The following CAPN8 variants were observed in gnomAD, a reference collection of about 807,000 sequenced individuals.
CAPN8 encodes calpain-8.
A neutral mutation model predicts 80.9 loss-of-function variants in CAPN8; 87 were observed. The ratio of observed to expected loss-of-function variants is 1.07; its 90% CI spans 0.90 to 1.28. CAPN8 has a LOEUF of 1.28. Among genes scored for constraint, CAPN8 ranks in the 50% most tolerant of loss-of-function variants. The pLI is 0.00. For missense variants in CAPN8, 757 were observed against 702.0 expected, an observed-to-expected ratio of 1.08 and a Z score of -0.89; for synonymous variants, 299 against 273.8, an observed-to-expected ratio of 1.09 and a Z score of -0.91.
intron 6 of CAPN8, 101 bp downstream of exon 6, chr1:223,625,704 G>T: frequency 3.7e-6 from 4 of 1,075,600 alleles, no homozygotes; most frequent in South Asian, 1.4e-5. Flanking sequence ...AGCCAATTCC[G>T]AACCTTCTAG....
chr1:223,555,359 C>A, intron 13 of CAPN8, among the ~76,000 whole-genome samples: 1 of 152,210 alleles, frequency 6.6e-6, no homozygotes, highest in East Asian at 1.9e-4. Flanking sequence ...AGAAGATGCT[C>A]CCTGCATCCG....
intron 1 of CAPN8, among the ~76,000 whole-genome samples, chr1:223,664,594 C>T (rs943168942): frequency 3.3e-5 from 5 of 152,302 alleles, no homozygotes; most frequent in African/African-American, 1.2e-4. Flanking sequence ...TCTATCTTAC[C>T]TAGTTCCAAA....
intron 7 of CAPN8, chr1:223,622,570 C>T (rs1039318414): frequency 7.2e-5 from 39 of 542,414 alleles, no homozygotes; most frequent in Non-Finnish European, 1.1e-4. Flanking sequence ...AGCAAAATTC[C>T]ACAGAGCCGC....
intron 1 of CAPN8, among the ~76,000 whole-genome samples, chr1:223,657,354 A>C (rs182242714): frequency 6.6e-6 from 1 of 152,162 alleles, no homozygotes; most frequent in Non-Finnish European, 1.5e-5. Context: ...AGAGAAAAAA[A>C]TTTTAATTTA....
intron 2 of CAPN8, among the ~76,000 whole-genome samples, chr1:223,644,946 GTTTA>G (rs1658147599): frequency 1.3e-5 from 2 of 152,190 alleles, no homozygotes; most frequent in Non-Finnish European, 2.9e-5. Context: ...ATGAAAGGGA[GTTTA>G]TTAAGGAGTA....
At chr1:223,638,567 T>C (rs1657969948) in intron 2 of CAPN8, among the ~76,000 whole-genome samples, 1 of 152,174 alleles carries the variant, frequency 6.6e-6, no homozygotes, top group Admixed American at 6.5e-5. Flanking sequence ...AAGCAACTGC[T>C]TCTTTGCTGA....
chr1:223,627,342 C>T (rs999738179), intron 4 of CAPN8, among the ~76,000 whole-genome samples, 185 bp from the exon 5 acceptor site: 4 of 152,200 alleles, frequency 2.6e-5, no homozygotes, highest in African/African-American at 9.6e-5. Flanking sequence ...CAGCACTTCA[C>T]TAGGAACTGA....
intron 1 of CAPN8, among the ~76,000 whole-genome samples, chr1:223,659,244 G>A (rs895205202): frequency 1.1e-4 from 16 of 152,188 alleles, no homozygotes; most frequent in African/African-American, 3.4e-4. Flanking sequence ...CTCCTAGAGC[G>A]TTAACCATGT....
At chr1:223,548,941 G>A (rs558180894) in intron 16 of CAPN8, among the ~76,000 whole-genome samples, 4 of 151,808 alleles carry the variant, frequency 2.6e-5, no homozygotes, top group South Asian at 4.2e-4. Context: ...AACGGTAGAG[G>A]GTGGGGGTGG....
At chr1:223,547,455 G>A (rs753427690) in intron 16 of CAPN8, among the ~76,000 whole-genome samples, 1 of 152,198 alleles carries the variant, frequency 6.6e-6, no homozygotes, top group Non-Finnish European at 1.5e-5. Context: ...AGGGATGGTC[G>A]TGGAGGTTGG....
At chr1:223,616,190 G>C (rs1242254112) in intron 9 of CAPN8, 45 bp from the exon 10 acceptor site, 2 of 1,515,300 alleles carry the variant, frequency 1.3e-6, no homozygotes, top group African/African-American at 2.8e-5. Context: ...TAGCGGGTGA[G>C]GAGATGAAGA....
intron 13 of CAPN8, among the ~76,000 whole-genome samples, chr1:223,556,936 C>G (rs950168080): frequency 6.6e-6 from 1 of 151,966 alleles, no homozygotes. Context: ...GCAACTGAGG[C>G]GAGGGGTAGG....
chr1:223,631,039 A>G lies in CAPN8; in HGVS notation c.308-2259T>C, dbSNP rs148542022. ...GGGCATCAACACCCTTCACAATATG[A>G]CTCCAACCTACTTCTCCAGTCTTTT... On this transcript the variant is annotated intron_variant, in intron 2 of 20. Coordinates refer to ENST00000366872, the MANE Select transcript of CAPN8 (RefSeq NM_001143962.2). Among the ~76,000 whole-genome samples the G allele has an allele frequency of 2.3e-3, 351 of 151,816 alleles. 4 individuals are homozygous for G. Among genetic ancestry groups the G allele is most frequent in the African/African-American group, 8.3e-3 (342 of 41,378 alleles).
At chr1:223,630,407 G>A (rs1374021943) in intron 2 of CAPN8, among the ~76,000 whole-genome samples, 1 of 152,110 alleles carries the variant, frequency 6.6e-6, no homozygotes. Flanking sequence ...CGCCATCATG[G>A]CTCACTGCAG....
intron 20 of CAPN8, among the ~76,000 whole-genome samples, chr1:223,542,199 A>G (rs1373705836): frequency 1.3e-5 from 2 of 152,092 alleles, no homozygotes; most frequent in East Asian, 3.9e-4. Flanking sequence ...GTGTGTGTAT[A>G]TATATATCCC....
At chr1:223,555,446 G>C (rs1656881654) in intron 13 of CAPN8, among the ~76,000 whole-genome samples, 1 of 152,154 alleles carries the variant, frequency 6.6e-6, no homozygotes, top group Non-Finnish European at 1.5e-5. Context: ...TGTTTACATA[G>C]AAGATATGCT....
chr1:223,546,889 GTTGTTGTT>G (rs1558335199), intron 16 of CAPN8, among the ~76,000 whole-genome samples: 5 of 11,172 alleles, frequency 4.5e-4, no homozygotes, highest in East Asian at 6.2e-3. Flanking sequence ...TTTTGTGGTT[GTTGTTGTT>G]GTTGTTGTTG....
chr1:223,545,769 C>T (rs1325078563), intron 16 of CAPN8, among the ~76,000 whole-genome samples: 3 of 150,702 alleles, frequency 2.0e-5, no homozygotes, highest in Non-Finnish European at 4.4e-5. Context: ...TACAACCAAA[C>T]AGGAGGATAT....
intron 18 of CAPN8, 136 bp downstream of exon 18, chr1:223,544,636 A>T: frequency 8.0e-7 from 1 of 1,247,464 alleles, no homozygotes; most frequent in Non-Finnish European, 1.1e-6. Flanking sequence ...GGTACTCAAC[A>T]AAGCTCTGTT....
Sources: gnomAD v4.1 joint callset for allele counts (sites outside exome capture counted in the v4.1 genomes callset) on GRCh38, gnomAD v4.1.1 for gene constraint, MANE v1.5 for transcripts, NCBI Gene and HGNC (gene_info 2026-07-23, HGNC 2026-07-21) for gene names.